Variants in GSDME observed in about 807,000 individuals in gnomAD.
GSDME encodes gasdermin-E.
A neutral mutation model predicts 47.5 loss-of-function variants in GSDME; 44 were observed. The observed-to-expected ratio is 0.93, with a 90% CI of 0.73 to 1.19. GSDME has a LOEUF of 1.19. Among genes scored for constraint, GSDME ranks in the 50% most tolerant of loss-of-function variants. GSDME has a pLI of 0.00. For missense variants in GSDME, 663 were observed against 604.2 expected (o/e 1.10, Z -1.02); for synonymous variants, 258 against 252.8 (o/e 1.02, Z -0.20).
At chr7:24,751,990 G>A (rs1005446492) in intron 1 of GSDME, among the ~76,000 whole-genome samples, 1 of 152,214 alleles carries the variant, frequency 6.6e-6, no homozygotes, top group African/African-American at 2.4e-5. Context: ...GAGGCATACT[G>A]TCACAGAAGT....
At chr7:24,755,599 G>A (rs1216787368) in intron 1 of GSDME, among the ~76,000 whole-genome samples, 1 of 152,224 alleles carries the variant, frequency 6.6e-6, no homozygotes, top group East Asian at 1.9e-4. Context: ...TGAACTGACA[G>A]TGTGTTCCTG....
rs1394521361 is a variant in GSDME, at chr7:24,744,010, A to G, written c.404+552T>C. ...TGGCACATAGGACGCACTCAATACA[A>G]TTATTTTTTGAATGTTGAATAAATA... On this transcript the variant is annotated intron_variant, in intron 3 of 9. Coordinates refer to ENST00000645220, the MANE Select transcript of GSDME (RefSeq NM_001127453.2). The surrounding 1 kb of genome is among the most constrained non-coding windows in gnomAD (Gnocchi z 4.5). 1 of 180,542 alleles carries G rather than the reference A, an allele frequency of 5.5e-6. No individual in the cohort carries two copies. Among genetic ancestry groups the G allele is most frequent in the Non-Finnish European group, 1.2e-5 (1 of 85,340 alleles). 11.2% of individuals were successfully genotyped at this position (180,542 alleles called of 1,614,324 possible).
At chr7:24,795,176 C>T in the GSDME span, among the ~76,000 whole-genome samples, 1 of 152,202 alleles carries the variant, frequency 6.6e-6, no homozygotes, top group Non-Finnish European at 1.5e-5. Context: ...CTACCGTGCG[C>T]TGCTCTGGCG....
chr7:24,708,404 A>T lies in GSDME; in HGVS notation c.863-150T>A. On this transcript the variant is annotated intron_variant, in intron 6 of 9. Coordinates refer to ENST00000645220, the MANE Select transcript of GSDME (RefSeq NM_001127453.2). ...TCAGTCATGGAACTCAGAAATAAAC[A>T]TCAAGTTACAAGCCACCCTGCATAT... 4 of 994,056 alleles carry T rather than the reference A, an allele frequency of 4.0e-6. No homozygotes were observed. The South Asian group carries it at 5.7e-5, about 14-fold the overall frequency. The allele number at this position is 994,056 out of a possible 1,614,324, so 61.6% of individuals were successfully genotyped here. A position where few individuals can be genotyped will look rare whatever the true frequency, so the allele number is the denominator to read the frequency against.
intron 7 of GSDME, 115 bp from the exon 8 acceptor site, chr7:24,706,491 T>G (rs1789112220): frequency 1.0e-6 from 1 of 990,630 alleles, no homozygotes; most frequent in Admixed American, 2.4e-5. Flanking sequence ...CCGAGGAAAG[T>G]ACGACCCGCA....
At chr7:24,730,146 G>A (rs1033554932) in intron 3 of GSDME, among the ~76,000 whole-genome samples, 1 of 152,208 alleles carries the variant, frequency 6.6e-6, no homozygotes, top group Non-Finnish European at 1.5e-5. Flanking sequence ...GCAGTGATGA[G>A]TTGAGTCTCT....
rs751107069 is a variant in GSDME at position 24,745,858 on chromosome 7, T to C, written c.212-1104A>G. Among the ~76,000 whole-genome samples the C allele has an allele frequency of 2.0e-5, 3 of 152,038 alleles. No homozygotes were observed. The highest frequency in any genetic ancestry group is 2.9e-5 in the Non-Finnish European group (2 of 68,004). ...TATCTCTAAGAAAATATAAAAATAA[T>C]AACAAATAAAAATAATGATTTTAAA... On this transcript the variant is annotated intron_variant, in intron 2 of 9. Coordinates refer to ENST00000645220, the MANE Select transcript of GSDME (RefSeq NM_001127453.2). This position sits in a 1 kb window ranked among gnomAD's most constrained non-coding sequence, Gnocchi z 4.4.
upstream of GSDME, chr7:24,758,002 A>G (rs1791099492): frequency 6.6e-6 from 1 of 152,224 alleles, no homozygotes; most frequent in Admixed American, 6.5e-5. The surrounding 1 kb of genome is among the most constrained non-coding windows in gnomAD (Gnocchi z 4.6). Flanking sequence ...CATTCCTGTA[A>G]ACTCCACTCT....
In GSDME at chr7:24,705,670, G is replaced by C. The variant is rs80175505; in HGVS notation, c.1183+514C>G. ...ATTTCAGGACCAGTGCAGAAGCTGTGCATCTGGGCCCAGCCACAGCTCTGC... is the reference window on the plus strand; with the variant it reads ...ATTTCAGGACCAGTGCAGAAGCTGTCCATCTGGGCCCAGCCACAGCTCTGC... On this transcript the variant is annotated intron_variant, in intron 8 of 9. Transcript: ENST00000645220. This position sits in a 1 kb window ranked among gnomAD's most constrained non-coding sequence, Gnocchi z 4.1. 5.9e-3 allele frequency: 1,333 copies of C among 227,782 alleles called. 14 individuals are homozygous for C. The highest frequency in any genetic ancestry group is 0.029 in the African/African-American group (1,255 of 43,822). 14.1% of individuals were successfully genotyped at this position (227,782 alleles called of 1,614,324 possible). A position where few individuals can be genotyped will look rare whatever the true frequency, so the allele number is the denominator to read the frequency against.
chr7:24,703,066 C>T (rs1788943889), intron 8 of GSDME: 2 of 433,202 alleles, frequency 4.6e-6, no homozygotes, highest in East Asian at 1.0e-4. Context: ...GAGGATACTC[C>T]TTGACATTCA....
the GSDME span, among the ~76,000 whole-genome samples, chr7:24,794,631 C>G: frequency 6.6e-6 from 1 of 152,142 alleles, no homozygotes; most frequent in African/African-American, 2.4e-5. Flanking sequence ...CTCTAATGCC[C>G]GCCAATCTAT....
the GSDME span, among the ~76,000 whole-genome samples, chr7:24,794,283 C>T: frequency 7.7e-6 from 1 of 130,052 alleles, no homozygotes; most frequent in Non-Finnish European, 1.6e-5. Context: ...TCTCTTTCCT[C>T]TCTCTCTCTT....
rs1282156098 is a variant in GSDME, at chr7:24,733,605, C to T, written c.404+10957G>A. Among the ~76,000 whole-genome samples, 5 of 152,160 alleles carry T rather than the reference C, an allele frequency of 3.3e-5. No homozygotes were observed. ...CATTCACCACAAGCTGACTAAAGAG[C>T]CCCTGGCCTTAAGTGAATATGGGTG... is the stretch of plus-strand genomic sequence containing the variant. On this transcript the variant is annotated intron_variant, in intron 3 of 9. Coordinates refer to ENST00000645220, the MANE Select transcript of GSDME (RefSeq NM_001127453.2). The surrounding 1 kb of genome is among the most constrained non-coding windows in gnomAD (Gnocchi z 4.3).
chr7:24,700,911 C>T (rs1313674853), intron 9 of GSDME, among the ~76,000 whole-genome samples: 1 of 152,164 alleles, frequency 6.6e-6, no homozygotes, highest in Non-Finnish European at 1.5e-5. Context: ...TCTAAATATC[C>T]ACCACCCCCT....
chr7:24,708,013 C>T, intron 7 of GSDME, 114 bp downstream of exon 7: 1 of 1,341,002 alleles, frequency 7.5e-7, no homozygotes, highest in Non-Finnish European at 1.0e-6. Context: ...AGAAAAGAGA[C>T]AGCTGTAGGG....
chr7:24,764,693 G>T, the GSDME span, among the ~76,000 whole-genome samples: 2 of 152,330 alleles, frequency 1.3e-5, no homozygotes, highest in African/African-American at 4.8e-5. This position sits in a 1 kb window ranked among gnomAD's most constrained non-coding sequence, Gnocchi z 4.4. Context: ...CTACGTTTGA[G>T]TTCCAACTCT....
At position 24,725,750 on chromosome 7, in the gene GSDME, C is replaced by A. The variant is rs757540175; in HGVS notation, c.405-6532G>T. ...GATTAGGTCAGGGGTCAATCTTTAA[C>A]GACCAGGCCCAGGGTGTGACGCCGG... On this transcript the variant is annotated intron_variant, in intron 3 of 9. Coordinates refer to ENST00000645220, the MANE Select transcript of GSDME (RefSeq NM_001127453.2). This position sits in a 1 kb window ranked among gnomAD's most constrained non-coding sequence, Gnocchi z 5.1. 2.0e-5 allele frequency among the ~76,000 whole-genome samples: 3 copies of A among 152,168 alleles called. No homozygotes were observed. Among genetic ancestry groups the A allele is most frequent in the Non-Finnish European group, 4.4e-5 (3 of 68,034 alleles).
the GSDME span, among the ~76,000 whole-genome samples, chr7:24,764,936 T>C: frequency 6.6e-6 from 1 of 152,244 alleles, no homozygotes; most frequent in African/African-American, 2.4e-5. The surrounding 1 kb of genome is among the most constrained non-coding windows in gnomAD (Gnocchi z 4.4). Flanking sequence ...TTAAGAAGCT[T>C]ACAACCACTA....
the GSDME span, among the ~76,000 whole-genome samples, chr7:24,788,894 G>A: frequency 4.6e-5 from 7 of 152,190 alleles, no homozygotes; most frequent in Non-Finnish European, 8.8e-5. The surrounding 1 kb of genome is among the most constrained non-coding windows in gnomAD (Gnocchi z 4.6). Context: ...AATATGCATA[G>A]GAAAATTGGC....
Sources: gnomAD v4.1 joint callset for allele counts (sites outside exome capture counted in the v4.1 genomes callset) on GRCh38, gnomAD v4.1.1 for gene constraint, Gnocchi (gnomAD v3.1) non-coding constraint, MANE v1.5 for transcripts, NCBI Gene and HGNC (gene_info 2026-07-23, HGNC 2026-07-21) for gene names.